DENND4A: variants seen among roughly 807,000 people sequenced by gnomAD.
DENND4A encodes the protein DENN domain containing 4A.
DENND4A carries 70 observed loss-of-function variants against 199.3 expected under a neutral mutation model. The observed-to-expected ratio is 0.35, with a 90% CI of 0.29 to 0.43. DENND4A has a LOEUF of 0.43. DENND4A is among the 20% of genes least tolerant of loss of function. The pLI, the probability that DENND4A is intolerant of heterozygous loss-of-function variation, is 1.00. For synonymous variants in DENND4A, 686 were observed against 766.9 expected (o/e 0.89, Z 1.74); for missense variants, 1,723 against 2,255.8 (o/e 0.76, Z 4.78).
chr15:65,722,965 A>C lies in DENND4A; in HGVS notation c.1488-17T>G. ...TCACCAATTCTAAGATTAAATAACA[A>C]CAGGAATATATTTGTTACATGGTCT... On this transcript the variant is annotated splice_polypyrimidine_tract_variant and intron_variant, in intron 11 of 32. Coordinates refer to ENST00000443035, the MANE Select transcript of DENND4A (RefSeq NM_001320835.1). 1 of 1,580,034 alleles carries C rather than the reference A, an allele frequency of 6.3e-7. No homozygotes were observed. The highest frequency in any genetic ancestry group is 8.6e-7 in the Non-Finnish European group (1 of 1,159,542).
intron 1 of DENND4A, among the ~76,000 whole-genome samples, chr15:65,778,593 G>C (rs185215980): frequency 6.6e-6 from 1 of 152,066 alleles, no homozygotes; most frequent in Admixed American, 6.6e-5. Flanking sequence ...TGGTTTCCTA[G>C]TGCATATAAA....
At chr15:65,736,001 T>C (rs2140431897) in intron 7 of DENND4A, among the ~76,000 whole-genome samples, 1 of 152,284 alleles carries the variant, frequency 6.6e-6, no homozygotes, top group Admixed American at 6.5e-5. Context: ...TTGCCAATAA[T>C]TAAATACAAA....
intron 1 of DENND4A, chr15:65,766,745 A>G (rs1396802436): frequency 6.6e-6 from 1 of 152,208 alleles, no homozygotes; most frequent in Non-Finnish European, 1.5e-5. Flanking sequence ...ATGAAAACCA[A>G]TCTACTAAAT....
intron 23 of DENND4A, among the ~76,000 whole-genome samples, chr15:65,678,357 TAATTA>T (rs1351086106): frequency 2.0e-5 from 3 of 152,244 alleles, no homozygotes; most frequent in Non-Finnish European, 2.9e-5. Flanking sequence ...TCTTGTATTT[TAATTA>T]GACTACCCTG....
chr15:65,758,146 T>C (rs1176086131), intron 2 of DENND4A, among the ~76,000 whole-genome samples: 1 of 152,084 alleles, frequency 6.6e-6, no homozygotes, highest in East Asian at 1.9e-4. Flanking sequence ...TACCAGAAGT[T>C]AAGTCTCAGC....
chr15:65,783,682 A>C (rs1437054567), intron 1 of DENND4A, among the ~76,000 whole-genome samples: 1 of 152,216 alleles, frequency 6.6e-6, no homozygotes, highest in Non-Finnish European at 1.5e-5. Flanking sequence ...GGAAGTACTC[A>C]AAAAACAAAA....
At chr15:65,724,622 A>C (rs1456213997) in intron 11 of DENND4A, among the ~76,000 whole-genome samples, 1 of 152,156 alleles carries the variant, frequency 6.6e-6, no homozygotes, top group Non-Finnish European at 1.5e-5. Flanking sequence ...AGAAAGCTTA[A>C]GCTGAACAAA....
At position 65,682,172 on chromosome 15, in the gene DENND4A, C is replaced by T. The variant is rs541026294; in HGVS notation, c.4180-5538G>A. Among the ~76,000 whole-genome samples the T allele has an allele frequency of 6.6e-5, 10 of 152,256 alleles. No homozygotes were observed. The South Asian group carries it at 1.9e-3, about 28-fold the overall frequency. ...AGCCTGTCCTTTGAAGCCTGGACGCCGGACACTGACTTTTCCTCTCTCTCC... is the reference window on the plus strand; with the variant it reads ...AGCCTGTCCTTTGAAGCCTGGACGCTGGACACTGACTTTTCCTCTCTCTCC... On this transcript the variant is annotated intron_variant, in intron 23 of 32. Coordinates refer to ENST00000443035, the MANE Select transcript of DENND4A (RefSeq NM_001320835.1).
At position 65,715,586 on chromosome 15, in the gene DENND4A, G is replaced by A. The variant is rs752552363; in HGVS notation, c.1845C>T (p.Phe615=). 1.3e-6 allele frequency: 2 copies of A among 1,592,748 alleles called. No individual in the cohort carries two copies. The highest frequency in any genetic ancestry group is 1.7e-6 in the Non-Finnish European group (2 of 1,169,598). ...LRSRDRSHQK[F]YNMMTKTQMF... ...TTTGTGTTTTGGTCATCATGTTATA[G>A]AATTTTTGATGTGACCGGTCCCGGC... is the stretch of plus-strand genomic sequence containing the variant. Residue 615 remains phenylalanine (F), a synonymous_variant, in exon 14 of 33, where the codon TTC becomes TTT. Coordinates refer to ENST00000443035, the MANE Select transcript of DENND4A (RefSeq NM_001320835.1).
At chr15:65,671,931 T>C (rs1566988088) in intron 24 of DENND4A, 45 bp from the exon 25 acceptor site, 1 of 1,128,240 alleles carries the variant, frequency 8.9e-7, no homozygotes, top group Non-Finnish European at 1.4e-6. Context: ...TTAAAATTAA[T>C]GAGAAAGGAT....
chr15:65,677,387 G>T (rs1379329618), intron 23 of DENND4A, among the ~76,000 whole-genome samples: 1 of 151,530 alleles, frequency 6.6e-6, no homozygotes, highest in Admixed American at 6.6e-5. Context: ...TTTTTGTATT[G>T]TTGGTAGAGA....
intron 12 of DENND4A, among the ~76,000 whole-genome samples, chr15:65,721,609 AAAG>A (rs1290517411): frequency 6.6e-6 from 1 of 151,236 alleles, no homozygotes; most frequent in Admixed American, 6.6e-5. Context: ...AAAAAAAAAA[AAAG>A]AAAGAGAAAG....
At chr15:65,705,147 A>C (rs1017758434) in intron 15 of DENND4A, among the ~76,000 whole-genome samples, 2 of 152,200 alleles carry the variant, frequency 1.3e-5, no homozygotes, top group Non-Finnish European at 2.9e-5. Flanking sequence ...CTGGATGAAA[A>C]GAGTAGAAAT....
At chr15:65,712,276 T>C (rs966325181) in intron 14 of DENND4A, among the ~76,000 whole-genome samples, 1 of 152,342 alleles carries the variant, frequency 6.6e-6, no homozygotes, top group South Asian at 2.1e-4. Flanking sequence ...CCTGTTCATA[T>C]GTACAAATCA....
chr15:65,776,201 C>T (rs2077279383), intron 1 of DENND4A, among the ~76,000 whole-genome samples: 1 of 152,122 alleles, frequency 6.6e-6, no homozygotes, highest in South Asian at 2.1e-4. Flanking sequence ...TCTGTTTTAG[C>T]ATACTCCCTG....
intron 4 of DENND4A, among the ~76,000 whole-genome samples, chr15:65,748,301 AAAAAT>A (rs1244235066): frequency 2.0e-5 from 3 of 152,142 alleles, no homozygotes; most frequent in East Asian, 3.9e-4. Context: ...TAGGGTGAGA[AAAAAT>A]AAAATAAAAT....
chr15:65,741,211 C>A (rs2076252421), intron 5 of DENND4A, among the ~76,000 whole-genome samples: 1 of 152,078 alleles, frequency 6.6e-6, no homozygotes, highest in Non-Finnish European at 1.5e-5. Flanking sequence ...TGCCACCATG[C>A]CCTGCATAAA....
At chr15:65,782,727 C>T (rs1189347942) in intron 1 of DENND4A, among the ~76,000 whole-genome samples, 1 of 152,038 alleles carries the variant, frequency 6.6e-6, no homozygotes, top group Non-Finnish European at 1.5e-5. Context: ...GTTAAATTAG[C>T]TAAAACATAC....
chr15:65,774,585 T>C (rs1325249571), intron 1 of DENND4A, among the ~76,000 whole-genome samples: 7 of 151,492 alleles, frequency 4.6e-5, no homozygotes, highest in Non-Finnish European at 8.8e-5. Context: ...GGAGAATCGT[T>C]TGAACCTGGG....
Sources: allele counts gnomAD v4.1 joint callset (sites outside exome capture counted in the v4.1 genomes callset), GRCh38; gene constraint gnomAD v4.1.1; transcripts MANE v1.5; gene names NCBI Gene and HGNC (gene_info 2026-07-23, HGNC 2026-07-21).